The following ODAD2 variants were observed in gnomAD, a reference collection of about 807,000 sequenced individuals.
ODAD2 encodes the protein outer dynein arm-docking complex subunit 2.
A neutral mutation model predicts 106.8 loss-of-function variants in ODAD2; 89 were observed. The ratio of observed to expected loss-of-function variants is 0.83; its 90% CI spans 0.70 to 0.99. The LOEUF is 0.99. Among genes scored for constraint, ODAD2 ranks in the 50% least tolerant of loss-of-function variants. The probability of loss-of-function intolerance (pLI) is 0.00; values close to 1 mark genes in which losing one functional copy is unlikely to be tolerated. For synonymous variants in ODAD2, 404 were observed against 436.2 expected, an observed-to-expected ratio of 0.93 and a Z score of 0.92; for missense variants, 1,168 against 1,238.5, an observed-to-expected ratio of 0.94 and a Z score of 0.85.
At chr10:27,923,302 A>C (rs1175991597) in intron 16 of ODAD2, among the ~76,000 whole-genome samples, 4 of 152,160 alleles carry the variant, frequency 2.6e-5, no homozygotes, top group African/African-American at 7.2e-5. Flanking sequence ...AAAAGTGTAG[A>C]TCAAGATATA....
intron 2 of ODAD2, among the ~76,000 whole-genome samples, chr10:27,987,907 T>A (rs1176992399): frequency 6.6e-6 from 1 of 151,798 alleles, no homozygotes; most frequent in Non-Finnish European, 1.5e-5. Flanking sequence ...CCCTTCATGC[T>A]TTGGGGAGTT....
intron 7 of ODAD2, among the ~76,000 whole-genome samples, chr10:27,975,451 A>G (rs1849130062): frequency 1.3e-5 from 2 of 152,184 alleles, no homozygotes; most frequent in Non-Finnish European, 2.9e-5. Flanking sequence ...GGTAACAATG[A>G]CTACAAATTC....
chr10:27,919,139 A>G (rs933791049), intron 16 of ODAD2, among the ~76,000 whole-genome samples: 9 of 151,980 alleles, frequency 5.9e-5, no homozygotes, highest in Non-Finnish European at 1.2e-4. Context: ...TCAGAAATAG[A>G]CCCATTCATT....
chr10:27,994,781 G>T, intron 2 of ODAD2, 138 bp downstream of exon 2: 2 of 848,872 alleles, frequency 2.4e-6, no homozygotes, highest in Non-Finnish European at 3.6e-6. Flanking sequence ...TCACCTGTGT[G>T]TCTCTGGTTT....
At chr10:27,942,736 G>T (rs1345889200) in intron 12 of ODAD2, among the ~76,000 whole-genome samples, 1 of 152,086 alleles carries the variant, frequency 6.6e-6, no homozygotes, top group East Asian at 1.9e-4. Context: ...TTTAAGAATT[G>T]TACAATGATT....
At chr10:27,908,802 G>C (rs1756204022) in intron 16 of ODAD2, among the ~76,000 whole-genome samples, 1 of 151,992 alleles carries the variant, frequency 6.6e-6, no homozygotes, top group African/African-American at 2.4e-5. Context: ...TAGGAGATCA[G>C]TTTTGCATAA....
chr10:27,941,475 A>T (rs1265676846), intron 12 of ODAD2, among the ~76,000 whole-genome samples: 2 of 147,158 alleles, frequency 1.4e-5, no homozygotes, highest in African/African-American at 5.0e-5. Context: ...ACAAAGCAAG[A>T]TCCTGCCCCC....
intron 17 of ODAD2, among the ~76,000 whole-genome samples, chr10:27,871,106 T>C (rs918914814): frequency 3.3e-5 from 5 of 152,236 alleles, no homozygotes; most frequent in African/African-American, 1.2e-4. Context: ...TGATGGCCAC[T>C]GATGATGAGC....
intron 7 of ODAD2, among the ~76,000 whole-genome samples, chr10:27,975,881 A>C (rs565638003): frequency 1.3e-5 from 2 of 152,306 alleles, no homozygotes; most frequent in East Asian, 3.9e-4. Context: ...TAACTTTATG[A>C]ATATAGGTGC....
rs575231763 is a variant in ODAD2 at position 27,820,492 on chromosome 10, A to C, written c.3022-7867T>G. ...TGTGTGTTGGCTATTCCCGGAGTCA[A>C]CCAGATAAGGGTTGCTGGAAACAGC... On this transcript the variant is annotated intron_variant, in intron 19 of 19. Transcript: ENST00000305242. 1.7e-4 allele frequency among the ~76,000 whole-genome samples: 26 copies of C among 152,184 alleles called. 1 individual carries two copies. In the South Asian group the frequency reaches 2.5e-3, roughly 15 times the overall value.
At chr10:27,865,821 T>C (rs1296174459) in intron 17 of ODAD2, among the ~76,000 whole-genome samples, 3 of 152,250 alleles carry the variant, frequency 2.0e-5, no homozygotes, top group Admixed American at 6.5e-5. Flanking sequence ...AGTCAGGTTC[T>C]ATGCAAGTGT....
chr10:27,836,319 G>T (rs1258921020), intron 19 of ODAD2, among the ~76,000 whole-genome samples: 3 of 151,988 alleles, frequency 2.0e-5, no homozygotes, highest in Admixed American at 6.6e-5. Context: ...TGGGTGACTT[G>T]GCAGCAGAAC....
At chr10:27,948,910 T>C (rs909469420) in intron 10 of ODAD2, among the ~76,000 whole-genome samples, 4 of 151,182 alleles carry the variant, frequency 2.6e-5, no homozygotes, top group East Asian at 1.9e-4. Context: ...CGTGCAGAGA[T>C]TGAATGAAAG....
chr10:27,876,310 GACACCCCAC>G (rs1372942104), intron 17 of ODAD2, among the ~76,000 whole-genome samples: 1 of 152,164 alleles, frequency 6.6e-6, no homozygotes, highest in East Asian at 1.9e-4. Flanking sequence ...GGGGCAGACT[GACACCCCAC>G]ACTGCCGGGT....
chr10:27,870,402 C>T (rs533641290), intron 17 of ODAD2, among the ~76,000 whole-genome samples: 7 of 152,164 alleles, frequency 4.6e-5, no homozygotes, highest in African/African-American at 1.4e-4. Flanking sequence ...ATGTGCTCAA[C>T]ATGCAGGTTT....
intron 10 of ODAD2, among the ~76,000 whole-genome samples, chr10:27,948,779 A>ATTTTTTTTTTTTTTTTT (rs11451204): frequency 1.2e-4 from 5 of 40,320 alleles, no homozygotes; most frequent in Admixed American, 4.6e-4. Context: ...TGGCCTTTGG[A>ATTTTTTTTTTTTTTTTT]TTTTTTTTTT....
chr10:27,844,772 C>G (rs1838594505), intron 19 of ODAD2, among the ~76,000 whole-genome samples: 1 of 152,206 alleles, frequency 6.6e-6, no homozygotes, highest in South Asian at 2.1e-4. Flanking sequence ...TATTATCTAG[C>G]TCTTTTACTA....
chr10:27,973,819 A>C (rs1283967203), intron 7 of ODAD2, among the ~76,000 whole-genome samples: 2 of 152,202 alleles, frequency 1.3e-5, no homozygotes, highest in African/African-American at 4.8e-5. Context: ...TTGCTGGATT[A>C]AATGGTAGTT....
At chr10:27,899,336 C>T (rs916706865) in intron 17 of ODAD2, among the ~76,000 whole-genome samples, 2 of 152,148 alleles carry the variant, frequency 1.3e-5, no homozygotes, top group African/African-American at 4.8e-5. Flanking sequence ...GAGATTCCCT[C>T]AGGCGCCCAC....
Sources: gnomAD v4.1 joint callset for allele counts (sites outside exome capture counted in the v4.1 genomes callset) on GRCh38, gnomAD v4.1.1 for gene constraint, MANE v1.5 for transcripts, NCBI Gene and HGNC (gene_info 2026-07-23, HGNC 2026-07-21) for gene names.